Variants in CEP83 observed in about 807,000 individuals in gnomAD.
CEP83 encodes the protein centrosomal protein of 83 kDa.
In CEP83, 70 loss-of-function variants were observed where a neutral mutation model predicts 101.9. The ratio of observed to expected loss-of-function variants is 0.69; its 90% CI spans 0.57 to 0.84. The LOEUF is 0.84. Ranked by LOEUF, CEP83 falls within the 40% of genes least tolerant of loss-of-function variation. CEP83 has a pLI of 0.00. For missense variants in CEP83, 715 were observed against 787.2 expected (o/e 0.91, Z 1.10); for synonymous variants, 264 against 267.9 (o/e 0.99, Z 0.14).
chr12:94,388,832 T>C (rs1464996727), intron 6 of CEP83, among the ~76,000 whole-genome samples: 3 of 152,092 alleles, frequency 2.0e-5, no homozygotes, highest in Non-Finnish European at 4.4e-5. Context: ...TTTGCTAAAT[T>C]GAAAAAAAAT....
At chr12:94,360,520 A>C (rs960154561) in intron 11 of CEP83, among the ~76,000 whole-genome samples, 2 of 151,964 alleles carry the variant, frequency 1.3e-5, no homozygotes, top group African/African-American at 4.8e-5. Context: ...TAATTATAAA[A>C]ATTAAAATAC....
chr12:94,331,917 C>T, intron 13 of CEP83, 88 bp from the exon 14 acceptor site: 1 of 1,180,320 alleles, frequency 8.5e-7, no homozygotes, highest in Non-Finnish European at 1.2e-6. Context: ...AAACTCACTA[C>T]CTGTCTGACC....
At chr12:94,271,591 G>A in the CEP83 span, among the ~76,000 whole-genome samples, 6 of 152,168 alleles carry the variant, frequency 3.9e-5, no homozygotes, top group African/African-American at 1.4e-4. Context: ...ACTTTACTCT[G>A]GGCAAGTCTC....
chr12:94,296,586 CATT>C, the CEP83 span, among the ~76,000 whole-genome samples: 5 of 152,226 alleles, frequency 3.3e-5, no homozygotes, highest in Non-Finnish European at 7.3e-5. Flanking sequence ...AGCACCACCT[CATT>C]GTCCTTTGAG....
chr12:94,417,506 C>T (rs958154538), intron 2 of CEP83, among the ~76,000 whole-genome samples: 6 of 152,094 alleles, frequency 3.9e-5, no homozygotes, highest in Admixed American at 2.0e-4. Flanking sequence ...AACCACTGGT[C>T]GGCCAGGCAC....
the CEP83 span, among the ~76,000 whole-genome samples, chr12:94,270,138 G>A: frequency 6.6e-6 from 1 of 152,234 alleles, no homozygotes; most frequent in Non-Finnish European, 1.5e-5. Flanking sequence ...AGTCATGGCG[G>A]AGATAGAAAG....
At chr12:94,458,787 A>C (rs1372683546) in intron 1 of CEP83, among the ~76,000 whole-genome samples, 2 of 152,230 alleles carry the variant, frequency 1.3e-5, no homozygotes, top group African/African-American at 4.8e-5. Flanking sequence ...TGAGTTTGAA[A>C]TCAAACCTCA....
chr12:94,296,275 C>T, the CEP83 span, among the ~76,000 whole-genome samples: 1 of 152,182 alleles, frequency 6.6e-6, no homozygotes, highest in African/African-American at 2.4e-5. Flanking sequence ...ATCCTCCCAC[C>T]TCAGCCTCCC....
chr12:94,304,693 G>A (rs898220411), downstream of CEP83, among the ~76,000 whole-genome samples: 1 of 152,136 alleles, frequency 6.6e-6, no homozygotes, highest in Non-Finnish European at 1.5e-5. Flanking sequence ...TCTAAGGTAG[G>A]GTAGAGGCAA....
the CEP83 span, among the ~76,000 whole-genome samples, chr12:94,300,110 G>A: frequency 1.3e-5 from 2 of 152,242 alleles, no homozygotes; most frequent in Non-Finnish European, 2.9e-5. Flanking sequence ...GGGCCAAGCA[G>A]TTAGTTGCTG....
Position 94,411,721 on chromosome 12 carries a change from T to G in CEP83, c.300A>C (p.Lys100Asn), listed in dbSNP as rs1471475371. The change falls in exon 4 of 17, where the codon AAA becomes AAC. Residue 100 changes from lysine to asparagine, a missense_variant. Transcript: ENST00000397809. ...CCTGCAGTTTCATTTCTTCTAAATC[T>G]TTAGTTTTCTCTACTAATTCTCCTC... ...ELRGELVEKT[K>N]DLEEMKLQIL... is the part of the protein sequence containing the mutation. The G allele has an allele frequency of 1.9e-6, 3 of 1,604,004 alleles. No individual in the cohort carries two copies. The highest frequency in any genetic ancestry group is 2.5e-6 in the Non-Finnish European group (3 of 1,176,550).
rs1378464728 is a variant in CEP83 at position 94,439,349 on chromosome 12, G to GGTGTATTTC, written c.-154-4023_-154-4022insGAAATACAC. Among the ~76,000 whole-genome samples, 117 of 152,120 alleles carry GGTGTATTTC rather than the reference G, an allele frequency of 7.7e-4. 1 individual carries two copies. In the East Asian group the frequency reaches 0.021, roughly 28 times the overall value. ...AGAAACAAAATAGGAGATATCAAAA[G>GGTGTATTTC]TGATACCACAGAAATACAAAAGATT... On this transcript the variant is annotated intron_variant, in intron 1 of 16. Coordinates refer to ENST00000397809, the MANE Select transcript of CEP83 (RefSeq NM_016122.3).
At chr12:94,291,078 G>A in the CEP83 span, among the ~76,000 whole-genome samples, 4 of 152,236 alleles carry the variant, frequency 2.6e-5, no homozygotes, top group African/African-American at 9.6e-5. Flanking sequence ...TCAGGGTGTG[G>A]GGGAGGGGCA....
At chr12:94,297,459 C>G in the CEP83 span, 1 of 1,373,276 alleles carries the variant, frequency 7.3e-7, no homozygotes, top group Non-Finnish European at 1.0e-6. Flanking sequence ...TTATGGCTAC[C>G]TAGGGGGTGT....
At chr12:94,293,822 T>C in the CEP83 span, among the ~76,000 whole-genome samples, 2 of 152,110 alleles carry the variant, frequency 1.3e-5, no homozygotes, top group Non-Finnish European at 2.9e-5. Flanking sequence ...GATCTCCCTA[T>C]GTTGCCCAGG....
At chr12:94,273,269 TTC>T in the CEP83 span, among the ~76,000 whole-genome samples, 65 of 152,178 alleles carry the variant, frequency 4.3e-4, no homozygotes, top group Non-Finnish European at 7.6e-4. Flanking sequence ...GGGACTCTCT[TTC>T]AGGTGGCAGG....
chr12:94,407,356 A>G (rs2137695771), intron 4 of CEP83, among the ~76,000 whole-genome samples: 1 of 152,236 alleles, frequency 6.6e-6, no homozygotes, highest in East Asian at 1.9e-4. Flanking sequence ...CCAGCAATAA[A>G]GAGAACAGCA....
intron 6 of CEP83, 109 bp downstream of exon 6, chr12:94,400,741 T>A (rs555104549): frequency 1.8e-6 from 1 of 547,220 alleles, no homozygotes; most frequent in South Asian, 9.3e-5. Flanking sequence ...CCACCATTAA[T>A]GAATAAAACT....
intron 2 of CEP83, chr12:94,424,441 A>T (rs186403754): frequency 4.3e-6 from 7 of 1,613,824 alleles, no homozygotes; most frequent in Non-Finnish European, 4.2e-6. Context: ...CAAAGCCAAC[A>T]CCTCTGCTGG....
Sources: gnomAD v4.1 joint callset for allele counts (sites outside exome capture counted in the v4.1 genomes callset) on GRCh38, gnomAD v4.1.1 for gene constraint, MANE v1.5 for transcripts, NCBI Gene and HGNC (gene_info 2026-07-23, HGNC 2026-07-21) for gene names.